CTNNA2: variants seen among roughly 807,000 people sequenced by gnomAD.
The protein encoded by CTNNA2 is catenin alpha 2.
In CTNNA2, 42 loss-of-function variants were observed where a neutral mutation model predicts 101.0. That is an observed-to-expected ratio of 0.42 (90% CI 0.32 to 0.54). CTNNA2 has a LOEUF of 0.54. Among genes scored for constraint, CTNNA2 ranks in the 20% least tolerant of loss-of-function variants. The pLI is 0.14. For missense variants in CTNNA2, 871 were observed against 1,223.1 expected, an observed-to-expected ratio of 0.71 and a Z score of 4.29; for synonymous variants, 450 against 456.4, an observed-to-expected ratio of 0.99 and a Z score of 0.18.
At chr2:80,162,616 T>A in intron 7 of CTNNA2, 1 of 1,611,530 alleles carries the variant, frequency 6.2e-7, no homozygotes, top group South Asian at 1.1e-5. Context: ...CTATAATGTC[T>A]ATCTGCTAGG....
Position 79,457,151 on chromosome 2 carries a change from G to A in CTNNA2, c.-134-47903G>A, listed in dbSNP as rs1670834592. Among the ~76,000 whole-genome samples the A allele has an allele frequency of 2.7e-5, 4 of 149,782 alleles. No individual in the cohort carries two copies. In the South Asian group the frequency reaches 8.4e-4, roughly 31 times the overall value. On this transcript the variant is annotated intron_variant, in intron 4 of 21. Transcript: ENST00000466387. ...CGGGAGGCGGAGCTTGCAGTGAGCC[G>A]AGATTGCACCACTGCACTCCAGCCT...
At chr2:79,351,998 A>C (rs1435408364) in intron 3 of CTNNA2, among the ~76,000 whole-genome samples, 1 of 152,208 alleles carries the variant, frequency 6.6e-6, no homozygotes, top group Non-Finnish European at 1.5e-5. Flanking sequence ...GAAATCTCCA[A>C]AATTGCTTCC....
intron 7 of CTNNA2, among the ~76,000 whole-genome samples, chr2:80,100,070 C>T (rs1210297358): frequency 6.6e-6 from 1 of 152,010 alleles, no homozygotes; most frequent in Admixed American, 6.6e-5. Context: ...GCTGGGATTA[C>T]AGGTGCCTGC....
intron 3 of CTNNA2, among the ~76,000 whole-genome samples, chr2:79,328,024 G>C (rs1676786459): frequency 6.6e-6 from 1 of 152,120 alleles, no homozygotes; most frequent in Non-Finnish European, 1.5e-5. Flanking sequence ...GGGAGTCCAG[G>C]CAGCAGGATG....
rs1673421563 is a variant in CTNNA2, at chr2:80,271,007, C to A, written c.1057-122204C>A. ...TATCTTTGATCATATAAGGTCCCCA[C>A]CCCCAAGAAGACACAAGATCAGTTT... is the stretch of plus-strand genomic sequence containing the variant. On this transcript the variant is annotated intron_variant, in intron 7 of 18. Coordinates refer to ENST00000402739, the MANE Select transcript of CTNNA2 (RefSeq NM_001282597.3). Among the ~76,000 whole-genome samples the A allele has an allele frequency of 3.3e-5, 5 of 152,076 alleles. No homozygotes were observed. In the South Asian group the frequency reaches 1.0e-3, roughly 32 times the overall value.
At chr2:80,610,904 G>A (rs183000838) in intron 17 of CTNNA2, among the ~76,000 whole-genome samples, 23 of 151,628 alleles carry the variant, frequency 1.5e-4, no homozygotes, top group African/African-American at 2.4e-4. Flanking sequence ...GCATCATGAC[G>A]GCGATCTGGA....
intron 5 of CTNNA2, 50 bp from the exon 6 acceptor site, chr2:79,874,026 T>C: frequency 1.9e-6 from 3 of 1,600,286 alleles, no homozygotes; most frequent in Non-Finnish European, 2.6e-6. Flanking sequence ...TTGCAAATAT[T>C]TCTATGCAAA....
At chr2:79,546,020 A>G (rs1453199812) in intron 1 of CTNNA2, among the ~76,000 whole-genome samples, 1 of 152,162 alleles carries the variant, frequency 6.6e-6, no homozygotes, top group African/African-American at 2.4e-5. Flanking sequence ...ACCATACCCA[A>G]GATTGCCCAG....
chr2:79,484,243 T>C (rs1373921525), intron 4 of CTNNA2, among the ~76,000 whole-genome samples: 2 of 151,864 alleles, frequency 1.3e-5, no homozygotes, highest in Non-Finnish European at 2.9e-5. Context: ...CCTGTCACAA[T>C]AAAATAAAAT....
intron 2 of CTNNA2, among the ~76,000 whole-genome samples, chr2:79,230,652 C>T (rs1674477877): frequency 6.6e-6 from 1 of 152,172 alleles, no homozygotes. Flanking sequence ...GGCCACCATC[C>T]TCCAGACCCT....
At chr2:80,194,449 C>G (rs969811443) in intron 7 of CTNNA2, among the ~76,000 whole-genome samples, 6 of 151,470 alleles carry the variant, frequency 4.0e-5, no homozygotes, top group African/African-American at 1.5e-4. Flanking sequence ...TTGAGACAAG[C>G]TTAGCATAAT....
At chr2:80,226,419 G>A (rs1708892044) in intron 7 of CTNNA2, among the ~76,000 whole-genome samples, 2 of 152,232 alleles carry the variant, frequency 1.3e-5, no homozygotes, top group African/African-American at 2.4e-5. Context: ...GATGTTGGCT[G>A]TTCAAATGTG....
chr2:79,426,487 T>TTA (rs1678593491), intron 4 of CTNNA2, among the ~76,000 whole-genome samples: 1 of 152,142 alleles, frequency 6.6e-6, no homozygotes. Context: ...TATGCTCCAG[T>TTA]TATAATAGCC....
intron 4 of CTNNA2, among the ~76,000 whole-genome samples, chr2:79,416,411 C>T (rs1190461413): frequency 6.6e-6 from 1 of 152,030 alleles, no homozygotes; most frequent in East Asian, 1.9e-4. Context: ...CTTTTCCAAA[C>T]ATAAGGCTAT....
At chr2:80,501,825 G>A (rs1441557492) in intron 9 of CTNNA2, among the ~76,000 whole-genome samples, 1 of 152,144 alleles carries the variant, frequency 6.6e-6, no homozygotes, top group Admixed American at 6.5e-5. Flanking sequence ...AGGGGTGCAG[G>A]TACTAAGTAT....
intron 4 of CTNNA2, among the ~76,000 whole-genome samples, chr2:79,860,666 C>T (rs1025674217): frequency 4.1e-5 from 6 of 145,700 alleles, no homozygotes; most frequent in African/African-American, 1.5e-4. Flanking sequence ...GACTAAATAA[C>T]ACATTTGTTC....
At chr2:80,351,239 T>C (rs1404242676) in intron 7 of CTNNA2, among the ~76,000 whole-genome samples, 1 of 152,054 alleles carries the variant, frequency 6.6e-6, no homozygotes, top group Admixed American at 6.6e-5. Context: ...GAACCAAAAG[T>C]GACCTCTTTC....
intron 7 of CTNNA2, among the ~76,000 whole-genome samples, chr2:80,234,149 C>T (rs1438075621): frequency 6.6e-6 from 1 of 152,024 alleles, no homozygotes; most frequent in Admixed American, 6.6e-5. Flanking sequence ...CTGGTTCAAG[C>T]AATTCTCCTG....
chr2:79,982,277 A>AATATATATAACATATATAAC (rs1691379093), intron 7 of CTNNA2, among the ~76,000 whole-genome samples: 1 of 133,588 alleles, frequency 7.5e-6, no homozygotes, highest in Non-Finnish European at 1.5e-5. Flanking sequence ...ACATATATAT[A>AATATATATAACATATATAAC]ATATATATAA....
Sources: allele counts gnomAD v4.1 joint callset (sites outside exome capture counted in the v4.1 genomes callset), GRCh38; gene constraint gnomAD v4.1.1; transcripts MANE v1.5; gene names NCBI Gene and HGNC (gene_info 2026-07-23, HGNC 2026-07-21).